The following POLD3 variants were observed in gnomAD, a reference collection of about 807,000 sequenced individuals.
The protein encoded by POLD3 is DNA polymerase delta 3, accessory subunit.
A neutral mutation model predicts 58.2 loss-of-function variants in POLD3; 19 were observed. The observed-to-expected ratio is 0.33, with a 90% CI of 0.23 to 0.48. POLD3 has a LOEUF of 0.48. POLD3 is among the 20% of genes least tolerant of loss of function. The probability of loss-of-function intolerance (pLI) is 0.99; values close to 1 mark genes in which losing one functional copy is unlikely to be tolerated. For synonymous variants in POLD3, 172 were observed against 193.5 expected (o/e 0.89, Z 0.92); for missense variants, 504 against 545.5 (o/e 0.92, Z 0.76).
intron 3 of POLD3, among the ~76,000 whole-genome samples, chr11:74,609,370 ATATTTTTTTTTTT>A (rs1328772402): frequency 4.8e-3 from 87 of 18,092 alleles, no homozygotes; most frequent in Middle Eastern, 0.067. Context: ...ATATATATAT[ATATTTTTTTTTTT>A]TTTTTTTTTT....
At chr11:74,631,882 A>AG (rs1411204005) in intron 9 of POLD3, among the ~76,000 whole-genome samples, 10 of 151,998 alleles carry the variant, frequency 6.6e-5, no homozygotes, top group African/African-American at 2.2e-4. Flanking sequence ...AAGTACCTTC[A>AG]ATTTTTTCAG....
intron 9 of POLD3, among the ~76,000 whole-genome samples, chr11:74,631,598 C>T (rs2032593465): frequency 6.6e-6 from 1 of 151,510 alleles, no homozygotes; most frequent in Admixed American, 6.6e-5. Context: ...GATTCTCTGC[C>T]TCAGCCTCCT....
At chr11:74,666,640 A>T (rs973554389) in intron 4 of POLD3, among the ~76,000 whole-genome samples, 47 of 152,244 alleles carry the variant, frequency 3.1e-4, no homozygotes, top group African/African-American at 1.1e-3. Context: ...AGTATTCTTA[A>T]GATGGCAATA....
chr11:74,640,451 C>T (rs1324946222), intron 11 of POLD3, 113 bp from the exon 12 acceptor site: 3 of 1,259,624 alleles, frequency 2.4e-6, no homozygotes, highest in Non-Finnish European at 3.2e-6. Flanking sequence ...CCTAAGTAAG[C>T]ATATTTGCCT....
chr11:74,609,838 A>C (rs142972639), intron 3 of POLD3, among the ~76,000 whole-genome samples: 256 of 152,232 alleles, frequency 1.7e-3, no homozygotes, highest in African/African-American at 5.9e-3. Context: ...ATTCCTCATT[A>C]ATTATTACAG....
Position 74,620,017 on chromosome 11 carries a change from G to T in POLD3, c.661G>T (p.Ala221Ser). 1 of 1,613,032 alleles carries T rather than the reference G, an allele frequency of 6.2e-7. No homozygotes were observed. The highest frequency in any genetic ancestry group is 8.5e-7 in the Non-Finnish European group (1 of 1,179,036). The change falls in exon 7 of 12, where the codon GCA (alanine) becomes TCA (serine). Residue 221 changes from alanine to serine, a missense_variant and splice_region_variant. Around this residue, in one of 2 missense-constraint regions of POLD3, gnomAD observed 385 missense variants for 370.5 expected, o/e 1.04. Coordinates refer to ENST00000263681, the MANE Select transcript of POLD3 (RefSeq NM_006591.3). ...TCATATGTGTTTTCTGTGCTTGTAG[G>T]CATCTGCAGCAGGCAACAAGGCACC... ...TKTEAKEVTNASAAGNKAPGK... is the reference protein window; with the variant it reads ...TKTEAKEVTNSSAAGNKAPGK...
chr11:74,614,754 G>A (rs2032030655), intron 5 of POLD3, among the ~76,000 whole-genome samples: 1 of 151,950 alleles, frequency 6.6e-6, no homozygotes, highest in South Asian at 2.1e-4. Flanking sequence ...GGGACAAGGT[G>A]TGTGGGGGTA....
At chr11:74,624,698 A>C (rs1011308360) in intron 7 of POLD3, among the ~76,000 whole-genome samples, 1 of 152,110 alleles carries the variant, frequency 6.6e-6, no homozygotes, top group Non-Finnish European at 1.5e-5. Flanking sequence ...TCCCTGCTGC[A>C]CTGTAGTCAT....
At position 74,596,722 on chromosome 11, in the gene POLD3, A is replaced by G. The variant is rs184339201; in HGVS notation, c.116+2606A>G. Among the ~76,000 whole-genome samples the G allele has an allele frequency of 9.9e-5, 15 of 152,240 alleles. No individual in the cohort carries two copies. The East Asian group carries it at 2.9e-3, about 29-fold the overall frequency. On this transcript the variant is annotated intron_variant, in intron 2 of 11. Coordinates refer to ENST00000263681, the MANE Select transcript of POLD3 (RefSeq NM_006591.3). Reference sequence around the variant, plus strand: ...GAGCTCTTGAACTTATTCCTGTCTAACTGTAATTATGTATCCTTTAGACCC... The same window carrying G: ...GAGCTCTTGAACTTATTCCTGTCTAGCTGTAATTATGTATCCTTTAGACCC...
Position 74,604,757 on chromosome 11 carries a change from A to G in POLD3, c.182A>G (p.Tyr61Cys). ...ENSGAQLHVT[Y>C]LVSGSLIQNG... ...TCAGGAGCCCAACTGCATGTTACCT[A>G]CTTGGTGTCTGGCAGTCTCATTCAG... The change falls in exon 3 of 12, where the codon TAC (tyrosine) becomes TGC (cysteine). Residue 61 changes from tyrosine (Y) to cysteine (C), a missense_variant. Tyr to Cys is a radical substitution (Grantham distance 194, BLOSUM62 -2). Coordinates refer to ENST00000263681, the MANE Select transcript of POLD3 (RefSeq NM_006591.3). 6.2e-7 allele frequency: 1 copy of G among 1,609,670 alleles called. No homozygotes were observed. Among genetic ancestry groups the G allele is most frequent in the Non-Finnish European group, 8.5e-7 (1 of 1,175,962 alleles).
intron 8 of POLD3, 65 bp downstream of exon 8, chr11:74,625,638 T>TTA (rs774548928): frequency 3.4e-5 from 46 of 1,364,306 alleles, no homozygotes; most frequent in Non-Finnish European, 1.1e-5. Flanking sequence ...CTCTTTGGGC[T>TTA]TATTGACAGC....
At chr11:74,626,390 G>T (rs1022815856) in intron 8 of POLD3, among the ~76,000 whole-genome samples, 4 of 152,196 alleles carry the variant, frequency 2.6e-5, no homozygotes, top group Admixed American at 1.3e-4. Context: ...AATAGATGCC[G>T]TTAACCAGAT....
At chr11:74,655,109 T>G (rs2033116909) in intron 4 of POLD3, among the ~76,000 whole-genome samples, 1 of 152,244 alleles carries the variant, frequency 6.6e-6, no homozygotes, top group Non-Finnish European at 1.5e-5. Flanking sequence ...TGCCTGAATT[T>G]TTATGCATTT....
intron 7 of POLD3, among the ~76,000 whole-genome samples, chr11:74,623,156 G>A (rs11236174): frequency 0.12 from 18,905 of 152,202 alleles, 1,486 homozygotes; most frequent in African/African-American, 0.22. Flanking sequence ...AGTAGGGGCC[G>A]GGTGTGGTGG....
At chr11:74,607,508 C>G (rs1003075019) in intron 3 of POLD3, among the ~76,000 whole-genome samples, 5 of 151,486 alleles carry the variant, frequency 3.3e-5, no homozygotes, top group African/African-American at 1.2e-4. Context: ...CCTTGTGATC[C>G]ACCCACCGCG....
intron 1 of POLD3, chr11:74,593,081 T>C (rs1216427883): frequency 9.6e-7 from 1 of 1,046,834 alleles, no homozygotes; most frequent in Non-Finnish European, 1.2e-6. Flanking sequence ...GAGGAAATCG[T>C]GTCTTAACTG....
chr11:74,637,010 C>T (rs1427704392), intron 11 of POLD3, among the ~76,000 whole-genome samples: 2 of 152,172 alleles, frequency 1.3e-5, no homozygotes, highest in Admixed American at 1.3e-4. Flanking sequence ...TGCTCAGATC[C>T]TGGTACTGTA....
rs2032903426 is a variant in POLD3, at chr11:74,641,142, T to C, written c.*376T>C. The C allele has an allele frequency of 2.0e-6, 2 of 992,842 alleles. No homozygotes were observed. The highest frequency in any genetic ancestry group is 2.4e-6 in the Non-Finnish European group (2 of 835,164). The allele number at this position is 992,842 out of a possible 1,614,324, so 61.5% of individuals were successfully genotyped here. Reference sequence around the variant, plus strand: ...ATATGGCACAGGAATTATTCCTTCTTGTTCCTCTGTATTCTAAGAATTCAT... The same window carrying C: ...ATATGGCACAGGAATTATTCCTTCTCGTTCCTCTGTATTCTAAGAATTCAT... On this transcript the variant is annotated 3_prime_UTR_variant, in exon 12 of 12. Transcript: ENST00000263681.
rs1057191727 is a variant in POLD3 at position 74,640,915 on chromosome 11, C to G, written c.*149C>G. 2 of 1,273,512 alleles carry G rather than the reference C, an allele frequency of 1.6e-6. No homozygotes were observed. The highest frequency in any genetic ancestry group is 2.0e-6 in the Non-Finnish European group (2 of 1,010,924). 78.9% of individuals were successfully genotyped at this position (1,273,512 alleles called of 1,614,324 possible). A position where few individuals can be genotyped will look rare whatever the true frequency, so the allele number is the denominator to read the frequency against. Reference sequence around the variant, plus strand: ...TCATCCTGTGAGGTTTATACTATTTCTGGTTTTTAACCAAAAGGAAATCAT... The same window carrying G: ...TCATCCTGTGAGGTTTATACTATTTGTGGTTTTTAACCAAAAGGAAATCAT... On this transcript the variant is annotated 3_prime_UTR_variant, in exon 12 of 12. Coordinates refer to ENST00000263681, the MANE Select transcript of POLD3 (RefSeq NM_006591.3).
Sources: allele counts gnomAD v4.1 joint callset (sites outside exome capture counted in the v4.1 genomes callset), GRCh38; gene constraint gnomAD v4.1.1; regional missense constraint gnomAD v4.1.1; transcripts MANE v1.5; gene names NCBI Gene and HGNC (gene_info 2026-07-23, HGNC 2026-07-21).